The following MAPRE1 variants were observed in gnomAD, a reference collection of about 807,000 sequenced individuals.
The protein encoded by MAPRE1 is microtubule associated protein RP/EB family member 1, also known as microtubule-associated protein RP/EB family member 1.
Under a neutral mutation model 32.1 loss-of-function variants are expected in MAPRE1, and 5 were observed. The observed-to-expected ratio is 0.16, with a 90% CI of 0.08 to 0.33. The LOEUF (loss-of-function observed/expected upper bound fraction) is 0.33. Ranked by LOEUF, MAPRE1 falls within the 10% of genes least tolerant of loss-of-function variation. The pLI is 1.00. For synonymous variants in MAPRE1, 122 were observed against 118.9 expected, an observed-to-expected ratio of 1.03 and a Z score of -0.17; for missense variants, 209 against 327.2, an observed-to-expected ratio of 0.64 and a Z score of 2.79.
chr20:32,843,509 A>G (rs1983420590), intron 5 of MAPRE1: 1 of 152,266 alleles, frequency 6.6e-6, no homozygotes, highest in Admixed American at 6.5e-5. Flanking sequence ...TCTAGTAGCT[A>G]CATTAAAAAG....
At chr20:32,848,282 CTTGG>C (rs1309242573) in intron 6 of MAPRE1, among the ~76,000 whole-genome samples, 2 of 152,048 alleles carry the variant, frequency 1.3e-5, no homozygotes, top group Non-Finnish European at 2.9e-5. Flanking sequence ...GGGCTCAAGC[CTTGG>C]CCTTCCAAAG....
intron 3 of MAPRE1, among the ~76,000 whole-genome samples, chr20:32,835,369 T>G (rs1261629238): frequency 7.1e-6 from 1 of 141,844 alleles, no homozygotes; most frequent in Non-Finnish European, 1.5e-5. Flanking sequence ...TTGGTGTTTT[T>G]TTTTTTTTTT....
intron 1 of MAPRE1, among the ~76,000 whole-genome samples, 154 bp downstream of exon 1, chr20:32,820,182 C>CGGCGCGCGCGGGCTGGGCCTGGG (rs1982648208): frequency 1.4e-5 from 2 of 140,882 alleles, no homozygotes; most frequent in Non-Finnish European, 3.1e-5. Context: ...GGCCGTCACC[C>CGGCGCGCGCGGGCTGGGCCTGGG]GGCGCGCGCG....
At chr20:32,830,364 G>C (rs1392705780) in intron 2 of MAPRE1, among the ~76,000 whole-genome samples, 1 of 152,142 alleles carries the variant, frequency 6.6e-6, no homozygotes, top group East Asian at 1.9e-4. Context: ...GATCTGGTCT[G>C]ATATTTCTGT....
intron 5 of MAPRE1, chr20:32,842,990 C>T (rs1983405718): frequency 6.6e-6 from 1 of 152,142 alleles, no homozygotes; most frequent in African/African-American, 2.4e-5. Flanking sequence ...TCCATCGGTG[C>T]TGGGGAACAT....
At chr20:32,826,106 T>G in intron 2 of MAPRE1, 58 bp downstream of exon 2, 1 of 1,514,084 alleles carries the variant, frequency 6.6e-7, no homozygotes, top group Non-Finnish European at 9.0e-7. Flanking sequence ...TTCAGGAATG[T>G]GAAGGCCTGT....
At chr20:32,830,245 G>GTTCA (rs1287398281) in intron 2 of MAPRE1, among the ~76,000 whole-genome samples, 4 of 152,122 alleles carry the variant, frequency 2.6e-5, no homozygotes, top group African/African-American at 9.7e-5. Context: ...CAGCCCTTGA[G>GTTCA]TTCATGTAAG....
chr20:32,844,849 G>A (rs1324767498), intron 5 of MAPRE1, among the ~76,000 whole-genome samples: 3 of 152,212 alleles, frequency 2.0e-5, no homozygotes, highest in Non-Finnish European at 4.4e-5. Flanking sequence ...GCTGGGGCTG[G>A]TCGGCTCTTG....
chr20:32,846,780 T>A lies in MAPRE1; in HGVS notation c.750+10T>A. On this transcript the variant is annotated intron_variant, in intron 6 of 6. Coordinates refer to ENST00000375571, the MANE Select transcript of MAPRE1 (RefSeq NM_012325.3). ...TCTGTATGCCACAGATGTATGTGTT[T>A]GACATGAGGATATTTTCTTTCCATT... 1 of 1,613,760 alleles carries A rather than the reference T, an allele frequency of 6.2e-7. No homozygotes were observed. The highest frequency in any genetic ancestry group is 1.1e-5 in the South Asian group (1 of 91,068).
chr20:32,832,093 G>A (rs1026389388), intron 2 of MAPRE1, among the ~76,000 whole-genome samples: 1 of 152,136 alleles, frequency 6.6e-6, no homozygotes, highest in Non-Finnish European at 1.5e-5. Flanking sequence ...AAGTGCCCCT[G>A]CTCTCGTTTA....
At chr20:32,839,093 ACTC>A (rs954543964) in intron 4 of MAPRE1, among the ~76,000 whole-genome samples, 2 of 152,076 alleles carry the variant, frequency 1.3e-5, no homozygotes, top group Non-Finnish European at 1.5e-5. Context: ...ACTCTTCTAA[ACTC>A]CTTCTAAAAG....
intron 3 of MAPRE1, among the ~76,000 whole-genome samples, chr20:32,835,364 G>GGTTTTTTTTTT: frequency 9.4e-6 from 1 of 106,626 alleles, no homozygotes; most frequent in South Asian, 3.2e-4. Context: ...TTTTATTGGT[G>GGTTTTTTTTTT]TTTTTTTTTT....
chr20:32,827,534 A>G (rs993260883), intron 2 of MAPRE1, among the ~76,000 whole-genome samples: 21 of 152,208 alleles, frequency 1.4e-4, no homozygotes, highest in Non-Finnish European at 2.1e-4. Context: ...TAATTCCACT[A>G]TTCAAGCCGG....
intron 4 of MAPRE1, 146 bp downstream of exon 4, chr20:32,836,987 A>T: frequency 1.3e-6 from 1 of 750,100 alleles, no homozygotes; most frequent in Non-Finnish European, 2.1e-6. Flanking sequence ...GGATTTTGGC[A>T]TCAGGCAGAT....
intron 1 of MAPRE1, among the ~76,000 whole-genome samples, chr20:32,820,563 C>T (rs1227243988): frequency 2.0e-5 from 3 of 152,084 alleles, no homozygotes. Flanking sequence ...ACTCTTAGCG[C>T]GATGTATGGC....
chr20:32,846,683 A>C lies in MAPRE1; in HGVS notation c.663A>C (p.Leu221=). 1 of 1,614,152 alleles carries C rather than the reference A, an allele frequency of 6.2e-7. No individual in the cohort carries two copies. Among genetic ancestry groups the C allele is most frequent in the Admixed American group, 1.7e-5 (1 of 60,028 alleles). Residue 221 remains leucine, a synonymous_variant, in exon 6 of 7, where the codon CTA becomes CTC. Transcript: ENST00000375571. Reference sequence around the variant, plus strand: ...AGAGGGATTTCTACTTCGGAAAGCTACGGAACATTGAATTGATTTGCCAGG... The same window carrying C: ...AGAGGGATTTCTACTTCGGAAAGCTCCGGAACATTGAATTGATTTGCCAGG... ...EKERDFYFGK[L]RNIELICQEN...
chr20:32,843,241 G>A (rs1402648900), intron 5 of MAPRE1: 1 of 151,896 alleles, frequency 6.6e-6, no homozygotes, highest in East Asian at 1.9e-4. Flanking sequence ...ACATTATCTG[G>A]CCCCTCCTGA....
intron 5 of MAPRE1, among the ~76,000 whole-genome samples, chr20:32,844,911 A>T (rs1356387464): frequency 1.3e-5 from 2 of 152,146 alleles, no homozygotes; most frequent in South Asian, 4.1e-4. Flanking sequence ...AAGGCAGCAA[A>T]CTGCAGCAAA....
At chr20:32,844,968 G>A (rs1258976543) in intron 5 of MAPRE1, among the ~76,000 whole-genome samples, 1 of 152,014 alleles carries the variant, frequency 6.6e-6, no homozygotes, top group Non-Finnish European at 1.5e-5. Context: ...TAGCTTTGCC[G>A]GCCACCAGGC....
Sources: allele counts gnomAD v4.1 joint callset (sites outside exome capture counted in the v4.1 genomes callset), GRCh38; gene constraint gnomAD v4.1.1; transcripts MANE v1.5; gene names NCBI Gene and HGNC (gene_info 2026-07-23, HGNC 2026-07-21).